TFB1M: variants seen among roughly 807,000 people sequenced by gnomAD.
The protein encoded by TFB1M is dimethyladenosine transferase 1, mitochondrial.
TFB1M carries 27 observed loss-of-function variants against 31.1 expected under a neutral mutation model. The ratio of observed to expected loss-of-function variants is 0.87; its 90% CI spans 0.64 to 1.20. The LOEUF is 1.20. Among genes scored for constraint, TFB1M ranks in the 50% most tolerant of loss-of-function variants. TFB1M has a pLI of 0.00. For synonymous variants in TFB1M, 166 were observed against 151.8 expected (o/e 1.09, Z -0.69); for missense variants, 394 against 418.7 (o/e 0.94, Z 0.51).
chr6:155,231,042 A>G, the TFB1M span, among the ~76,000 whole-genome samples: 9 of 150,856 alleles, frequency 6.0e-5, no homozygotes, highest in East Asian at 1.6e-3. Flanking sequence ...GGGTTTCACC[A>G]TGTTGGCCAG....
chr6:155,300,799 GTTTTTGT>G (rs946613847), intron 2 of TFB1M, among the ~76,000 whole-genome samples: 5 of 151,568 alleles, frequency 3.3e-5, no homozygotes, highest in African/African-American at 1.2e-4. Context: ...TTTCTTTTTT[GTTTTTGT>G]TTTTTGTTTG....
intron 5 of TFB1M, among the ~76,000 whole-genome samples, chr6:155,271,745 T>C (rs1437064449): frequency 6.6e-6 from 1 of 152,190 alleles, no homozygotes; most frequent in Non-Finnish European, 1.5e-5. Context: ...ATTATATCTT[T>C]CAACATAGAG....
chr6:155,251,999 A>C, downstream of TFB1M: 1 of 1,604,902 alleles, frequency 6.2e-7, no homozygotes, highest in Non-Finnish European at 8.5e-7. Flanking sequence ...CTGAAAAAGA[A>C]ATTGGTAAGG....
chr6:155,288,911 C>A (rs1029149317), intron 4 of TFB1M, among the ~76,000 whole-genome samples: 6 of 152,122 alleles, frequency 3.9e-5, no homozygotes, highest in Admixed American at 3.9e-4. Context: ...AATTCAACAT[C>A]CATTACAAGA....
intron 2 of TFB1M, chr6:155,303,453 C>T (rs1352453150): frequency 6.6e-6 from 1 of 152,216 alleles, no homozygotes; most frequent in Non-Finnish European, 1.5e-5. Flanking sequence ...CCTGCTTCTA[C>T]CACTGATCTC....
chr6:155,312,136 A>G (rs543898387), intron 1 of TFB1M, among the ~76,000 whole-genome samples: 3 of 152,312 alleles, frequency 2.0e-5, no homozygotes, highest in Admixed American at 1.3e-4. Context: ...TTCCTAGGAT[A>G]GTGGAAATTT....
At chr6:155,282,494 TTGAGAA>T (rs2114731667) in intron 5 of TFB1M, among the ~76,000 whole-genome samples, 1 of 152,328 alleles carries the variant, frequency 6.6e-6, no homozygotes, top group East Asian at 1.9e-4. Flanking sequence ...AGAGTTTTGA[TTGAGAA>T]TAAGTAATGA....
Position 155,257,273 on chromosome 6 carries a change from GTTATT to G in TFB1M, c.*558_*562del, listed in dbSNP as rs1554249749. ...CCACAAAATGGTTGTAAAGATTTAA[GTTATT>G]TTAATTTATTGTGGATCAGAAACCT... On this transcript the variant is annotated 3_prime_UTR_variant, in exon 7 of 7. Transcript: ENST00000367166. 1 of 879,334 alleles carries G rather than the reference GTTATT, an allele frequency of 1.1e-6. No homozygotes were observed. The highest frequency in any genetic ancestry group is 1.7e-6 in the Non-Finnish European group (1 of 596,320). 54.5% of individuals were successfully genotyped at this position (879,334 alleles called of 1,614,324 possible).
downstream of TFB1M, among the ~76,000 whole-genome samples, chr6:155,252,582 T>G (rs201378336): frequency 6.6e-6 from 1 of 152,248 alleles, no homozygotes; most frequent in East Asian, 1.9e-4. Context: ...ACATAGTCTG[T>G]GAAACTTTGG....
Position 155,257,192 on chromosome 6 carries a change from A to ATCCAGATATGGGTTAAATTCCTC in TFB1M, c.*643_*644insGAGGAATTTAACCCATATCTGGA. ...AACTGGTGGTAAAGTGGAAATTGCA[A>ATCCAGATATGGGTTAAATTCCTC]AAAAAAAAAAAAAAAAAAACTGTTC... On this transcript the variant is annotated 3_prime_UTR_variant, in exon 7 of 7. Transcript: ENST00000367166. 2 of 425,334 alleles carry ATCCAGATATGGGTTAAATTCCTC rather than the reference A, an allele frequency of 4.7e-6. No individual in the cohort carries two copies. Among genetic ancestry groups the ATCCAGATATGGGTTAAATTCCTC allele is most frequent in the Non-Finnish European group, 5.9e-6 (2 of 337,832 alleles). The allele number at this position is 425,334 out of a possible 1,614,324, so 26.3% of individuals were successfully genotyped here.
the TFB1M span, among the ~76,000 whole-genome samples, chr6:155,241,896 C>T: frequency 6.6e-6 from 1 of 152,220 alleles, no homozygotes; most frequent in African/African-American, 2.4e-5. Context: ...GCCCTTCTGA[C>T]ATCTTGAGAA....
intron 4 of TFB1M, among the ~76,000 whole-genome samples, chr6:155,290,450 C>G (rs1379563031): frequency 6.6e-6 from 1 of 150,796 alleles, no homozygotes; most frequent in Non-Finnish European, 1.5e-5. Flanking sequence ...TATTCTCCCA[C>G]TGAAACTTTC....
intron 2 of TFB1M, 180 bp downstream of exon 2, chr6:155,311,008 A>G (rs1582889294): frequency 1.4e-6 from 1 of 692,404 alleles, no homozygotes; most frequent in East Asian, 2.7e-5. Context: ...GTGCTTGTTA[A>G]AAATGGAGAT....
intron 1 of TFB1M, among the ~76,000 whole-genome samples, chr6:155,311,804 T>G (rs162984): frequency 6.6e-6 from 1 of 151,926 alleles, no homozygotes; most frequent in Non-Finnish European, 1.5e-5. Context: ...GCTGAAGTCT[T>G]ATTTTTATCT....
chr6:155,254,519 TG>T (rs1562377115), downstream of TFB1M: 1 of 1,614,172 alleles, frequency 6.2e-7, no homozygotes, highest in Non-Finnish European at 8.5e-7. Context: ...GGAGAAAACG[TG>T]TAAGGATCGC....
intron 5 of TFB1M, among the ~76,000 whole-genome samples, chr6:155,271,036 G>C (rs1357693632): frequency 6.6e-6 from 1 of 152,006 alleles, no homozygotes; most frequent in Non-Finnish European, 1.5e-5. Flanking sequence ...TTAGAAAAGA[G>C]GAAAAAGAGT....
intron 5 of TFB1M, chr6:155,264,111 G>A (rs925099147): frequency 6.6e-6 from 1 of 152,224 alleles, no homozygotes; most frequent in Non-Finnish European, 1.5e-5. Flanking sequence ...TGGAACGCAG[G>A]AGGACAGGGG....
intron 2 of TFB1M, among the ~76,000 whole-genome samples, chr6:155,308,544 T>C (rs2184406): frequency 0.27 from 40,925 of 152,060 alleles, 6,346 homozygotes; most frequent in East Asian, 0.68. Flanking sequence ...ACCCAACTAG[T>C]AGTAGAATCT....
chr6:155,300,124 C>T (rs569989154), intron 2 of TFB1M, among the ~76,000 whole-genome samples: 1 of 152,112 alleles, frequency 6.6e-6, no homozygotes, highest in South Asian at 2.1e-4. Flanking sequence ...GTTGGCTTCC[C>T]AAATTTGTAG....
Sources: allele counts gnomAD v4.1 joint callset (sites outside exome capture counted in the v4.1 genomes callset), GRCh38; gene constraint gnomAD v4.1.1; transcripts MANE v1.5; gene names NCBI Gene and HGNC (gene_info 2026-07-23, HGNC 2026-07-21).